CCDC178: variants seen among roughly 807,000 people sequenced by gnomAD.
The protein encoded by CCDC178 is coiled-coil domain-containing protein 178.
Under a neutral mutation model 117.4 loss-of-function variants are expected in CCDC178, and 126 were observed. The ratio of observed to expected loss-of-function variants is 1.07; its 90% CI spans 0.93 to 1.24. The LOEUF is 1.24. Ranked by LOEUF, CCDC178 falls within the 50% of genes most tolerant of loss-of-function variation. The pLI, the probability that CCDC178 is intolerant of heterozygous loss-of-function variation, is 0.00. For missense variants in CCDC178, 1,030 were observed against 986.9 expected (o/e 1.04, Z -0.59); for synonymous variants, 283 against 313.4 (o/e 0.90, Z 1.02).
intron 9 of CCDC178, among the ~76,000 whole-genome samples, chr18:33,340,007 T>C (rs532728293): frequency 1.1e-4 from 17 of 151,830 alleles, no homozygotes; most frequent in African/African-American, 3.6e-4. Flanking sequence ...CAGGCAGAGG[T>C]TGGAACAGTT....
intron 20 of CCDC178, among the ~76,000 whole-genome samples, chr18:33,199,720 C>T (rs2058972057): frequency 6.6e-6 from 1 of 152,114 alleles, no homozygotes; most frequent in South Asian, 2.1e-4. Context: ...TATTTCTTCT[C>T]CAAGGTTCCT....
chr18:33,014,314 C>A (rs1013176377), intron 21 of CCDC178, among the ~76,000 whole-genome samples: 1 of 152,154 alleles, frequency 6.6e-6, no homozygotes, highest in Admixed American at 6.5e-5. Context: ...TGTAAACAAG[C>A]GCATGCTTAG....
chr18:33,111,236 GT>G (rs1409898764), intron 20 of CCDC178, among the ~76,000 whole-genome samples: 1 of 151,236 alleles, frequency 6.6e-6, no homozygotes, highest in Non-Finnish European at 1.5e-5. Context: ...ATTTTTGTTT[GT>G]TTTATATCCA....
At chr18:33,107,896 T>C (rs1462334250) in intron 20 of CCDC178, among the ~76,000 whole-genome samples, 1 of 151,734 alleles carries the variant, frequency 6.6e-6, no homozygotes, top group Non-Finnish European at 1.5e-5. Flanking sequence ...TGTTAAAGTT[T>C]CTCAATAAGA....
At chr18:33,428,440 T>C (rs185350629) in intron 2 of CCDC178, among the ~76,000 whole-genome samples, 30 of 152,206 alleles carry the variant, frequency 2.0e-4, no homozygotes, top group African/African-American at 7.0e-4. Flanking sequence ...CGCTGGGCAG[T>C]GCAGAGTCGG....
intron 9 of CCDC178, among the ~76,000 whole-genome samples, chr18:33,339,616 C>A (rs911535846): frequency 6.6e-6 from 1 of 151,878 alleles, no homozygotes; most frequent in Admixed American, 6.6e-5. Flanking sequence ...TTGTATCTCC[C>A]AGAATTCCCA....
chr18:33,408,531 T>C lies in CCDC178; in HGVS notation c.58+3500A>G, dbSNP rs190300214. ...ATTACATTAATATTTATATGTAATA[T>C]ATAAAATTAAATGAGATTTGGAAGA... On this transcript the variant is annotated intron_variant, in intron 3 of 22. Coordinates refer to ENST00000383096, the MANE Select transcript of CCDC178 (RefSeq NM_001105528.4). 6.8e-4 allele frequency among the ~76,000 whole-genome samples: 103 copies of C among 152,068 alleles called. 1 individual carries two copies. In the East Asian group the frequency reaches 0.015, roughly 22 times the overall value.
chr18:33,099,419 T>G (rs1369666993), intron 20 of CCDC178, among the ~76,000 whole-genome samples: 3 of 151,982 alleles, frequency 2.0e-5, no homozygotes, highest in Admixed American at 6.6e-5. Flanking sequence ...GGCTTTGATG[T>G]CCTTAAAGCA....
At chr18:33,105,226 T>C (rs1213166623) in intron 20 of CCDC178, among the ~76,000 whole-genome samples, 1 of 151,722 alleles carries the variant, frequency 6.6e-6, no homozygotes, top group African/African-American at 2.4e-5. Flanking sequence ...AAACTACCAC[T>C]AAGTCAGGCA....
At chr18:33,026,098 T>G (rs2056223588) in intron 21 of CCDC178, among the ~76,000 whole-genome samples, 1 of 151,902 alleles carries the variant, frequency 6.6e-6, no homozygotes, top group Admixed American at 6.6e-5. Flanking sequence ...TATAGGAAAA[T>G]AAATAATCCC....
chr18:33,271,228 A>G (rs909167939), intron 12 of CCDC178, among the ~76,000 whole-genome samples: 1 of 151,588 alleles, frequency 6.6e-6, no homozygotes, highest in Non-Finnish European at 1.5e-5. Context: ...AATGGCAAAT[A>G]CAAATCCTAC....
chr18:33,333,125 G>A, intron 10 of CCDC178, 49 bp downstream of exon 10: 1 of 1,142,466 alleles, frequency 8.8e-7, no homozygotes, highest in Non-Finnish European at 1.3e-6. Context: ...AAAAGTTTTT[G>A]CATAACTAAG....
intron 21 of CCDC178, among the ~76,000 whole-genome samples, chr18:33,009,512 G>A (rs994363833): frequency 2.0e-5 from 3 of 151,616 alleles, no homozygotes; most frequent in Admixed American, 6.6e-5. Context: ...TATCTTTCCC[G>A]CAAATATCCA....
intron 2 of CCDC178, among the ~76,000 whole-genome samples, chr18:33,433,972 T>C (rs1009300530): frequency 6.6e-6 from 1 of 152,164 alleles, no homozygotes; most frequent in Non-Finnish European, 1.5e-5. Flanking sequence ...TAAATCACTA[T>C]GACTAAGCAA....
intron 21 of CCDC178, among the ~76,000 whole-genome samples, chr18:32,992,606 C>T (rs1296273910): frequency 6.6e-6 from 1 of 151,984 alleles, no homozygotes; most frequent in Admixed American, 6.6e-5. Flanking sequence ...GCATGGTGAC[C>T]ACAGTTAATG....
intron 14 of CCDC178, among the ~76,000 whole-genome samples, chr18:33,264,382 T>G (rs2059789140): frequency 6.6e-6 from 1 of 152,036 alleles, no homozygotes; most frequent in South Asian, 2.1e-4. Flanking sequence ...GAACATGACT[T>G]AGATATATAG....
intron 5 of CCDC178, among the ~76,000 whole-genome samples, chr18:33,378,643 G>C (rs2063394801): frequency 1.3e-5 from 2 of 152,116 alleles, no homozygotes; most frequent in Admixed American, 1.3e-4. Flanking sequence ...TTTTTATCAT[G>C]AAGTGATGTT....
chr18:33,111,846 T>C (rs924410711), intron 20 of CCDC178, among the ~76,000 whole-genome samples: 2 of 151,752 alleles, frequency 1.3e-5, no homozygotes, highest in Non-Finnish European at 1.5e-5. Context: ...AGAAATATTA[T>C]TAAGATAAAG....
chr18:33,397,221 A>G lies in CCDC178; in HGVS notation c.59-13T>C, dbSNP rs952169106. 6.6e-7 allele frequency: 1 copy of G among 1,522,462 alleles called. No homozygotes were observed. The highest frequency in any genetic ancestry group is 1.4e-5 in the African/African-American group (1 of 72,628). 94.3% of individuals were successfully genotyped at this position (1,522,462 alleles called of 1,614,324 possible). A position where few individuals can be genotyped will look rare whatever the true frequency, so the allele number is the denominator to read the frequency against. ...TGACATGTTAAACCTATAAAAGGTA[A>G]AATAAAACAAAATAAAATATCTGCT... On this transcript the variant is annotated splice_polypyrimidine_tract_variant and intron_variant, in intron 3 of 22. Transcript: ENST00000383096.
Sources: allele counts gnomAD v4.1 joint callset (sites outside exome capture counted in the v4.1 genomes callset), GRCh38; gene constraint gnomAD v4.1.1; transcripts MANE v1.5; gene names NCBI Gene and HGNC (gene_info 2026-07-23, HGNC 2026-07-21).